Variants in SRF observed in about 807,000 individuals in gnomAD.
SRF encodes the protein c-fos serum response element-binding transcription factor.
A neutral mutation model predicts 37.1 loss-of-function variants in SRF; 7 were observed. The ratio of observed to expected loss-of-function variants is 0.19; its 90% CI spans 0.11 to 0.35. The LOEUF (loss-of-function observed/expected upper bound fraction) is 0.35. SRF is among the 10% of genes least tolerant of loss of function. The probability of loss-of-function intolerance (pLI) is 1.00; values close to 1 mark genes in which losing one functional copy is unlikely to be tolerated. For synonymous variants in SRF, 285 were observed against 310.1 expected (o/e 0.92, Z 0.85); for missense variants, 395 against 694.4 (o/e 0.57, Z 4.85).
In SRF at chr6:43,176,051, A is replaced by G. The variant is rs533967128; in HGVS notation, c.1042+84A>G. The G allele has an allele frequency of 5.3e-5, 82 of 1,534,344 alleles. No homozygotes were observed. In the African/African-American group the frequency reaches 9.8e-4, roughly 18 times the overall value. ...GAGTGTGTTTAGGGCTGGCACCAAGAGAACCTCTTTCCCTGCTCAGAAGGA... is the reference window on the plus strand; with the variant it reads ...GAGTGTGTTTAGGGCTGGCACCAAGGGAACCTCTTTCCCTGCTCAGAAGGA... On this transcript the variant is annotated intron_variant, in intron 3 of 6. Coordinates refer to ENST00000265354, the MANE Select transcript of SRF (RefSeq NM_003131.4). This position sits in a 1 kb window ranked among gnomAD's most constrained non-coding sequence, Gnocchi z 4.0.
chr6:43,172,465 A>T lies in SRF; in HGVS notation c.513+296A>T. On this transcript the variant is annotated intron_variant, in intron 1 of 6. Coordinates refer to ENST00000265354, the MANE Select transcript of SRF (RefSeq NM_003131.4). This position sits in a 1 kb window ranked among gnomAD's most constrained non-coding sequence, Gnocchi z 5.7. ...CTGAGTGAAGGGGTGAGGAGCGGTGATGGGAGGCTACGAGGCTGCCGGGGA... is the reference window on the plus strand; with the variant it reads ...CTGAGTGAAGGGGTGAGGAGCGGTGTTGGGAGGCTACGAGGCTGCCGGGGA... 1.0e-6 allele frequency: 1 copy of T among 985,328 alleles called. No individual in the cohort carries two copies. The highest frequency in any genetic ancestry group is 1.2e-6 in the Non-Finnish European group (1 of 829,888). The allele number at this position is 985,328 out of a possible 1,614,324, so 61.0% of individuals were successfully genotyped here.
Position 43,176,500 on chromosome 6 carries a change from G to A in SRF, c.1043-48G>A. The A allele has an allele frequency of 1.9e-6, 3 of 1,607,106 alleles. No individual in the cohort carries two copies. In the South Asian group the frequency reaches 3.3e-5, roughly 18 times the overall value. ...GGGTGTCCATGGGTACTTGGTGGAG[G>A]TGGCAATTGGGTGGGACAGAGCACA... On this transcript the variant is annotated intron_variant, in intron 3 of 6. Transcript: ENST00000265354. The surrounding 1 kb of genome is among the most constrained non-coding windows in gnomAD (Gnocchi z 4.0).
Position 43,172,313 on chromosome 6 carries a change from G to A in SRF, c.513+144G>A, listed in dbSNP as rs1199443071. 5 of 1,431,410 alleles carry A rather than the reference G, an allele frequency of 3.5e-6. No homozygotes were observed. In the African/African-American group the frequency reaches 4.4e-5, roughly 13 times the overall value. 88.7% of individuals were successfully genotyped at this position (1,431,410 alleles called of 1,614,324 possible). A position where few individuals can be genotyped will look rare whatever the true frequency, so the allele number is the denominator to read the frequency against. ...GTGTGGGAGGGGATGGCTCCTGCCC[G>A]GGGAGGGCCGAAGGGGAGGGGCCGC... On this transcript the variant is annotated intron_variant, in intron 1 of 6. Transcript: ENST00000265354. The surrounding 1 kb of genome is among the most constrained non-coding windows in gnomAD (Gnocchi z 5.7).
chr6:43,177,686 G>C (rs1056466891), intron 4 of SRF, among the ~76,000 whole-genome samples: 2 of 151,304 alleles, frequency 1.3e-5, no homozygotes, highest in Non-Finnish European at 3.0e-5. Context: ...GAGGCCGAGG[G>C]GGGCAGATCA....
At position 43,178,632 on chromosome 6, in the gene SRF, G is replaced by A. The variant is rs945091953; in HGVS notation, c.1354+147G>A. On this transcript the variant is annotated intron_variant, in intron 5 of 6. Transcript: ENST00000265354. The surrounding 1 kb of genome is among the most constrained non-coding windows in gnomAD (Gnocchi z 4.3). ...GACTTGGATGCTCACACACACATTT[G>A]GACACCCCACTTGGACACTCACACC... 7.7e-7 allele frequency: 1 copy of A among 1,298,954 alleles called. No individual in the cohort carries two copies. Among genetic ancestry groups the A allele is most frequent in the Non-Finnish European group, 1.1e-6 (1 of 922,640 alleles). The allele number at this position is 1,298,954 out of a possible 1,614,324, so 80.5% of individuals were successfully genotyped here.
intron 2 of SRF, among the ~76,000 whole-genome samples, chr6:43,174,824 C>T (rs1477649301): frequency 6.6e-6 from 1 of 152,192 alleles, no homozygotes; most frequent in African/African-American, 2.4e-5. Context: ...TGACCCACCC[C>T]GCAGCCTTTG....
rs1177965114 is a variant in SRF at position 43,180,704 on chromosome 6, T to C, written c.*1514T>C. 6 of 152,542 alleles carry C rather than the reference T, an allele frequency of 3.9e-5. No individual in the cohort carries two copies. Among genetic ancestry groups the C allele is most frequent in the Non-Finnish European group, 8.8e-5 (6 of 68,056 alleles). The allele number at this position is 152,542 out of a possible 1,614,324, so 9.4% of individuals were successfully genotyped here. On this transcript the variant is annotated 3_prime_UTR_variant, in exon 7 of 7. Transcript: ENST00000265354. ...TGTCAGAGCCTACCTTCACCACCTA[T>C]ATCCAGAAGGGGAGCTTTTTCAGAA...
Position 43,179,200 on chromosome 6 carries a change from C to G in SRF, c.*10C>G, listed in dbSNP as rs370939499. 5.6e-6 allele frequency: 9 copies of G among 1,613,966 alleles called. No homozygotes were observed. Among genetic ancestry groups the G allele is most frequent in the Non-Finnish European group, 7.6e-6 (9 of 1,179,936 alleles). On this transcript the variant is annotated 3_prime_UTR_variant, in exon 7 of 7. Coordinates refer to ENST00000265354, the MANE Select transcript of SRF (RefSeq NM_003131.4). The surrounding 1 kb of genome is among the most constrained non-coding windows in gnomAD (Gnocchi z 5.3). ...CACCAAGAGTGAATGATCCGCCCGC[C>G]GCCCTGGACAGATGGCCCAAGGGAT...
At position 43,178,278 on chromosome 6, in the gene SRF, T is replaced by C. The variant is rs374619996; in HGVS notation, c.1163-16T>C. 130 of 1,585,646 alleles carry C rather than the reference T, an allele frequency of 8.2e-5. No individual in the cohort carries two copies. In the East Asian group the frequency reaches 2.9e-3, roughly 36 times the overall value. On this transcript the variant is annotated splice_polypyrimidine_tract_variant and intron_variant, in intron 4 of 6. Coordinates refer to ENST00000265354, the MANE Select transcript of SRF (RefSeq NM_003131.4). The surrounding 1 kb of genome is among the most constrained non-coding windows in gnomAD (Gnocchi z 4.3). Reference sequence around the variant, plus strand: ...TGGGGACCAGTGCCGAGCTGACACATGTCTGTGTTTGCCAGTGACGCTGCC... The same window carrying C: ...TGGGGACCAGTGCCGAGCTGACACACGTCTGTGTTTGCCAGTGACGCTGCC...
In SRF at chr6:43,175,639, C is replaced by T. The variant is rs906290543; in HGVS notation, c.781-67C>T. 7 of 1,594,208 alleles carry T rather than the reference C, an allele frequency of 4.4e-6. No individual in the cohort carries two copies. In the African/African-American group the frequency reaches 8.1e-5, roughly 18 times the overall value. On this transcript the variant is annotated intron_variant, in intron 2 of 6. Transcript: ENST00000265354. ...CTGGTTTCAGTCTGGGTTCTCAGTC[C>T]ACACAAAGCTTCTGCAAAGGCAGGA...
At chr6:43,177,637 C>T (rs1476614875) in intron 4 of SRF, among the ~76,000 whole-genome samples, 5 of 148,540 alleles carry the variant, frequency 3.4e-5, no homozygotes, top group East Asian at 2.1e-4. Flanking sequence ...AGAGAGAGGC[C>T]GGGTGCGGTG....
chr6:43,175,392 AATT>A (rs1270565581), intron 2 of SRF, among the ~76,000 whole-genome samples: 8 of 152,256 alleles, frequency 5.3e-5, no homozygotes, highest in Non-Finnish European at 2.9e-5. Context: ...CAATGATAAT[AATT>A]ATCATAAGAG....
Position 43,171,541 on chromosome 6 carries a change from C to A in SRF, c.-116C>A. Reference sequence around the variant, plus strand: ...GGGTTCGCAGCGGCGGCCGCGGCAGCGATAGCGGCACTAGCAGCAGCGGGA... The same window carrying A: ...GGGTTCGCAGCGGCGGCCGCGGCAGAGATAGCGGCACTAGCAGCAGCGGGA... On this transcript the variant is annotated 5_prime_UTR_variant, in exon 1 of 7. Transcript: ENST00000265354. The surrounding 1 kb of genome is among the most constrained non-coding windows in gnomAD (Gnocchi z 6.5). 9.1e-7 allele frequency: 1 copy of A among 1,098,246 alleles called. No individual in the cohort carries two copies. The highest frequency in any genetic ancestry group is 1.1e-6 in the Non-Finnish European group (1 of 881,522). The allele number at this position is 1,098,246 out of a possible 1,614,324, so 68.0% of individuals were successfully genotyped here.
At position 43,172,328 on chromosome 6, in the gene SRF, G is replaced by A. The variant is rs930126527; in HGVS notation, c.513+159G>A. 3 of 984,710 alleles carry A rather than the reference G, an allele frequency of 3.0e-6. No homozygotes were observed. The African/African-American group carries it at 5.2e-5, about 17-fold the overall frequency. The allele number at this position is 984,710 out of a possible 1,614,324, so 61.0% of individuals were successfully genotyped here. A position where few individuals can be genotyped will look rare whatever the true frequency, so the allele number is the denominator to read the frequency against. On this transcript the variant is annotated intron_variant, in intron 1 of 6. Transcript: ENST00000265354. This position sits in a 1 kb window ranked among gnomAD's most constrained non-coding sequence, Gnocchi z 5.7. ...GCTCCTGCCCGGGGAGGGCCGAAGG[G>A]GAGGGGCCGCCGGGGAAATGTGGGG...
chr6:43,178,830 C>T lies in SRF; in HGVS notation c.1379C>T (p.Thr460Ile). 1 of 1,614,266 alleles carries T rather than the reference C, an allele frequency of 6.2e-7. No homozygotes were observed. ...EPGGVPQVFL[T>I]ASSGTVQIPV... is the part of the protein sequence containing the mutation. ...GGTGGCGTCCCCCAGGTGTTCCTGA[C>T]AGCATCATCTGGGACAGTGCAGATC... The change falls in exon 6 of 7, where the codon ACA becomes ATA. Residue 460 changes from threonine to isoleucine, a missense_variant. By Grantham distance (89) the Thr-to-Ile change is moderately conservative. Coordinates refer to ENST00000265354, the MANE Select transcript of SRF (RefSeq NM_003131.4). The surrounding 1 kb of genome is among the most constrained non-coding windows in gnomAD (Gnocchi z 4.3).
Position 43,171,546 on chromosome 6 carries a change from G to A in SRF, c.-111G>A. On this transcript the variant is annotated 5_prime_UTR_variant, in exon 1 of 7. Coordinates refer to ENST00000265354, the MANE Select transcript of SRF (RefSeq NM_003131.4). The surrounding 1 kb of genome is among the most constrained non-coding windows in gnomAD (Gnocchi z 6.5). Reference sequence around the variant, plus strand: ...CGCAGCGGCGGCCGCGGCAGCGATAGCGGCACTAGCAGCAGCGGGAGTGCC... The same window carrying A: ...CGCAGCGGCGGCCGCGGCAGCGATAACGGCACTAGCAGCAGCGGGAGTGCC... The A allele has an allele frequency of 9.0e-7, 1 of 1,106,300 alleles. No individual in the cohort carries two copies. The highest frequency in any genetic ancestry group is 1.1e-6 in the Non-Finnish European group (1 of 888,762). The allele number at this position is 1,106,300 out of a possible 1,614,324, so 68.5% of individuals were successfully genotyped here. A position where few individuals can be genotyped will look rare whatever the true frequency, so the allele number is the denominator to read the frequency against.
At chr6:43,177,116 T>C (rs1181131583) in intron 4 of SRF, among the ~76,000 whole-genome samples, 1 of 152,172 alleles carries the variant, frequency 6.6e-6, no homozygotes, top group African/African-American at 2.4e-5. Flanking sequence ...TTATTATTTA[T>C]AACCTTTTTA....
Position 43,178,562 on chromosome 6 carries a change from C to T in SRF, c.1354+77C>T, listed in dbSNP as rs1183458457. ...ACACACACACACACACATACACACA[C>T]ATATGCACTGATGCCTACAAATATT... On this transcript the variant is annotated intron_variant, in intron 5 of 6. Coordinates refer to ENST00000265354, the MANE Select transcript of SRF (RefSeq NM_003131.4). The surrounding 1 kb of genome is among the most constrained non-coding windows in gnomAD (Gnocchi z 4.3). The T allele has an allele frequency of 6.1e-6, 9 of 1,480,528 alleles. No homozygotes were observed. The highest frequency in any genetic ancestry group is 8.3e-6 in the Non-Finnish European group (9 of 1,079,172). 91.7% of individuals were successfully genotyped at this position (1,480,528 alleles called of 1,614,324 possible). A position where few individuals can be genotyped will look rare whatever the true frequency, so the allele number is the denominator to read the frequency against.
chr6:43,175,979 G>T lies in SRF; in HGVS notation c.1042+12G>T, dbSNP rs752598928. ...CACCCTCATGCCTGGTGAGTCACGA[G>T]GGGCAGGGAGAGATTCGTCCTTCCT... On this transcript the variant is annotated intron_variant, in intron 3 of 6. Transcript: ENST00000265354. 1.2e-6 allele frequency: 2 copies of T among 1,606,536 alleles called. No homozygotes were observed. Among genetic ancestry groups the T allele is most frequent in the African/African-American group, 1.3e-5 (1 of 74,832 alleles).
Sources: allele counts gnomAD v4.1 joint callset (sites outside exome capture counted in the v4.1 genomes callset), GRCh38; gene constraint gnomAD v4.1.1; non-coding constraint Gnocchi (gnomAD v3.1); transcripts MANE v1.5; gene names NCBI Gene and HGNC (gene_info 2026-07-23, HGNC 2026-07-21).